PCDH7: variants seen among roughly 807,000 people sequenced by gnomAD.
PCDH7 encodes the protein protocadherin-7.
A neutral mutation model predicts 58.9 loss-of-function variants in PCDH7; 17 were observed. The ratio of observed to expected loss-of-function variants is 0.29; its 90% CI spans 0.20 to 0.43. The LOEUF is 0.43. Ranked by LOEUF, PCDH7 falls within the 20% of genes least tolerant of loss-of-function variation. The probability of loss-of-function intolerance (pLI) is 1.00; values close to 1 mark genes in which losing one functional copy is unlikely to be tolerated. For synonymous variants in PCDH7, 664 were observed against 616.4 expected, an observed-to-expected ratio of 1.08 and a Z score of -1.14; for missense variants, 1,274 against 1,441.0, an observed-to-expected ratio of 0.88 and a Z score of 1.88.
chr4:31,118,277 T>C (rs1450135794), intron 3 of PCDH7, among the ~76,000 whole-genome samples: 6 of 152,210 alleles, frequency 3.9e-5, no homozygotes, highest in Non-Finnish European at 7.3e-5. Flanking sequence ...GCTGTCCTTA[T>C]AGCACTCAGA....
At chr4:30,987,258 AAG>A (rs1203074518) in intron 3 of PCDH7, among the ~76,000 whole-genome samples, 2 of 152,192 alleles carry the variant, frequency 1.3e-5, no homozygotes, top group African/African-American at 4.8e-5. Context: ...TCACCTAAGT[AAG>A]AAGGTTAGGA....
chr4:30,798,245 G>C (rs918537449), intron 1 of PCDH7, among the ~76,000 whole-genome samples: 1 of 152,188 alleles, frequency 6.6e-6, no homozygotes, highest in Non-Finnish European at 1.5e-5. Context: ...TTACAGACAG[G>C]GGAGTGGATG....
intron 1 of PCDH7, among the ~76,000 whole-genome samples, chr4:30,745,203 A>T (rs896822430): frequency 6.6e-6 from 1 of 151,742 alleles, no homozygotes; most frequent in Non-Finnish European, 1.5e-5. Context: ...GTCATAAATT[A>T]TATTTTCCTA....
At chr4:30,972,641 T>C (rs1749692757) in intron 3 of PCDH7, among the ~76,000 whole-genome samples, 1 of 152,144 alleles carries the variant, frequency 6.6e-6, no homozygotes, top group Admixed American at 6.5e-5. Flanking sequence ...ACAAACAAAT[T>C]ATCTCTAAAA....
chr4:30,915,863 A>C (rs1429054274), intron 1 of PCDH7, among the ~76,000 whole-genome samples: 1 of 151,992 alleles, frequency 6.6e-6, no homozygotes, highest in Non-Finnish European at 1.5e-5. Flanking sequence ...AGCAATATGG[A>C]GTATGGAATC....
At chr4:30,761,077 G>A (rs1719958888) in intron 1 of PCDH7, among the ~76,000 whole-genome samples, 1 of 152,170 alleles carries the variant, frequency 6.6e-6, no homozygotes, top group Admixed American at 6.5e-5. Flanking sequence ...TTCTTGTATT[G>A]TATTCTAGTC....
At chr4:31,133,646 C>A (rs1011878586) in intron 3 of PCDH7, among the ~76,000 whole-genome samples, 3 of 152,150 alleles carry the variant, frequency 2.0e-5, no homozygotes, top group Non-Finnish European at 2.9e-5. Flanking sequence ...AAGAGGAGAA[C>A]CAAAGTGAAG....
chr4:30,836,793 C>A (rs1053776454), intron 1 of PCDH7, among the ~76,000 whole-genome samples: 4 of 152,048 alleles, frequency 2.6e-5, no homozygotes, highest in African/African-American at 9.7e-5. Flanking sequence ...AGATTTCCAA[C>A]ACAAGAGATG....
At chr4:31,011,382 C>A (rs1181562179) in intron 3 of PCDH7, among the ~76,000 whole-genome samples, 1 of 151,950 alleles carries the variant, frequency 6.6e-6, no homozygotes, top group Non-Finnish European at 1.5e-5. Context: ...CAACATGGAT[C>A]TTTTATTCCT....
intron 1 of PCDH7, among the ~76,000 whole-genome samples, chr4:30,877,017 G>T (rs1736374456): frequency 2.6e-5 from 4 of 151,978 alleles, no homozygotes; most frequent in Admixed American, 2.0e-4. Context: ...CCCTGATAGG[G>T]ATTAATGCTT....
chr4:30,879,998 C>CATAGTTTCCACTTCATAACCCAATGTTTG (rs1736762013), intron 1 of PCDH7, among the ~76,000 whole-genome samples: 1 of 152,082 alleles, frequency 6.6e-6, no homozygotes, highest in Non-Finnish European at 1.5e-5. Context: ...AAACCCCACT[C>CATAGTTTCCACTTCATAACCCAATGTTTG]ATAGTTTCCA....
chr4:31,038,189 C>T lies in PCDH7; in HGVS notation c.*7+87974C>T, dbSNP rs542059926. Reference sequence around the variant, plus strand: ...ACTACTTGCTTCTGGGGAAGAGTTCCGAGGAGATTGTTTGATATCTAGTAT... The same window carrying T: ...ACTACTTGCTTCTGGGGAAGAGTTCTGAGGAGATTGTTTGATATCTAGTAT... On this transcript the variant is annotated intron_variant, in intron 3 of 3. Coordinates refer to the PCDH7 transcript ENST00000509759. Among the ~76,000 whole-genome samples, 16 of 151,962 alleles carry T rather than the reference C, an allele frequency of 1.1e-4. No homozygotes were observed. In the South Asian group the frequency reaches 1.9e-3, roughly 18 times the overall value.
chr4:30,930,875 G>A (rs1744491192), intron 2 of PCDH7, among the ~76,000 whole-genome samples: 1 of 152,172 alleles, frequency 6.6e-6, no homozygotes, highest in Non-Finnish European at 1.5e-5. Flanking sequence ...GAAGTCCCAG[G>A]CTGCAGTGAG....
intron 1 of PCDH7, among the ~76,000 whole-genome samples, chr4:30,798,247 G>A (rs77982002): frequency 0.015 from 2,245 of 152,288 alleles, 58 homozygotes; most frequent in African/African-American, 0.051. Context: ...ACAGACAGGG[G>A]AGTGGATGCC....
At chr4:31,128,075 G>A (rs774641421) in intron 3 of PCDH7, among the ~76,000 whole-genome samples, 1 of 148,978 alleles carries the variant, frequency 6.7e-6, no homozygotes, top group Admixed American at 6.7e-5. Flanking sequence ...ATATGTGTGT[G>A]TATATATATG....
chr4:30,898,870 C>T (rs1739820524), intron 1 of PCDH7, among the ~76,000 whole-genome samples: 1 of 152,088 alleles, frequency 6.6e-6, no homozygotes, highest in Non-Finnish European at 1.5e-5. Flanking sequence ...GGATTACAGG[C>T]GTGAGCCACG....
chr4:30,806,879 TAG>T (rs1311472833), intron 1 of PCDH7, among the ~76,000 whole-genome samples: 2 of 152,066 alleles, frequency 1.3e-5, no homozygotes, highest in Non-Finnish European at 2.9e-5. Context: ...GAATCTATTG[TAG>T]AGTGTCACTT....
chr4:30,827,967 A>G (rs937303450), intron 1 of PCDH7, among the ~76,000 whole-genome samples: 6 of 152,282 alleles, frequency 3.9e-5, no homozygotes, highest in African/African-American at 1.4e-4. Flanking sequence ...ATCATTTATT[A>G]GCTTGTGATC....
At chr4:31,075,561 G>A (rs1758911615) in intron 3 of PCDH7, among the ~76,000 whole-genome samples, 1 of 152,122 alleles carries the variant, frequency 6.6e-6, no homozygotes, top group Non-Finnish European at 1.5e-5. Context: ...AAGTAATTTA[G>A]ATATGCACTA....
Sources: gnomAD v4.1 joint callset for allele counts (sites outside exome capture counted in the v4.1 genomes callset) on GRCh38, gnomAD v4.1.1 for gene constraint, MANE v1.5 for transcripts, NCBI Gene and HGNC (gene_info 2026-07-23, HGNC 2026-07-21) for gene names.